BRINP1: variants seen among roughly 807,000 people sequenced by gnomAD.
BRINP1 encodes BMP/retinoic acid inducible neural specific 1.
BRINP1 carries 17 observed loss-of-function variants against 72.9 expected under a neutral mutation model. The observed-to-expected ratio is 0.23, with a 90% CI of 0.16 to 0.35. BRINP1 has a LOEUF of 0.35. Among genes scored for constraint, BRINP1 ranks in the 10% least tolerant of loss-of-function variants. The probability of loss-of-function intolerance (pLI) is 1.00; values close to 1 mark genes in which losing one functional copy is unlikely to be tolerated. For synonymous variants in BRINP1, 418 were observed against 378.5 expected, an observed-to-expected ratio of 1.10 and a Z score of -1.21; for missense variants, 850 against 1,001.6, an observed-to-expected ratio of 0.85 and a Z score of 2.04.
chr9:119,258,386 T>C (rs1830465640), intron 2 of BRINP1, among the ~76,000 whole-genome samples: 1 of 152,196 alleles, frequency 6.6e-6, no homozygotes, highest in Non-Finnish European at 1.5e-5. Flanking sequence ...CCTGAAGCAC[T>C]GTTATCGAGG....
At chr9:119,242,468 G>T (rs117069488) in intron 3 of BRINP1, among the ~76,000 whole-genome samples, 1 of 152,268 alleles carries the variant, frequency 6.6e-6, no homozygotes, top group Non-Finnish European at 1.5e-5. Context: ...TTGACTTCAT[G>T]CTTCTCACCA....
intron 1 of BRINP1, among the ~76,000 whole-genome samples, chr9:119,335,360 A>G (rs1457880534): frequency 6.6e-6 from 1 of 152,162 alleles, no homozygotes; most frequent in Non-Finnish European, 1.5e-5. Flanking sequence ...TAGTCTGTGC[A>G]GAAAGTTGGA....
intron 1 of BRINP1, among the ~76,000 whole-genome samples, chr9:119,362,434 C>G (rs780367033): frequency 6.6e-6 from 1 of 152,128 alleles, no homozygotes; most frequent in Non-Finnish European, 1.5e-5. Context: ...CCAAAATTCT[C>G]ACAGAACTTC....
chr9:119,360,380 C>T (rs949190725), intron 1 of BRINP1, among the ~76,000 whole-genome samples: 10 of 152,294 alleles, frequency 6.6e-5, no homozygotes, highest in East Asian at 1.9e-4. Context: ...CTTTATCATG[C>T]GCCTGTAAAC....
chr9:119,325,666 T>C (rs895239992), intron 1 of BRINP1, among the ~76,000 whole-genome samples: 1 of 152,238 alleles, frequency 6.6e-6, no homozygotes, highest in Admixed American at 6.5e-5. Flanking sequence ...TCTTGCTTCA[T>C]GTCTGTCTAC....
At chr9:119,184,903 CTG>C (rs1403373852) in intron 7 of BRINP1, among the ~76,000 whole-genome samples, 1 of 152,172 alleles carries the variant, frequency 6.6e-6, no homozygotes, top group Non-Finnish European at 1.5e-5. Context: ...ACCTGGGTGA[CTG>C]TATACTGAGT....
At chr9:119,215,938 C>T (rs1829972004) in intron 5 of BRINP1, among the ~76,000 whole-genome samples, 1 of 152,312 alleles carries the variant, frequency 6.6e-6, no homozygotes, top group South Asian at 2.1e-4. Context: ...GCAAAATATT[C>T]AGCCTGCCTG....
At chr9:119,334,537 G>A (rs574990373) in intron 1 of BRINP1, among the ~76,000 whole-genome samples, 1 of 152,238 alleles carries the variant, frequency 6.6e-6, no homozygotes, top group Non-Finnish European at 1.5e-5. Context: ...CATGCCATCA[G>A]GTTTAGCTGA....
At chr9:119,198,955 G>A (rs1355242060) in intron 7 of BRINP1, among the ~76,000 whole-genome samples, 1 of 152,160 alleles carries the variant, frequency 6.6e-6, no homozygotes, top group Non-Finnish European at 1.5e-5. Context: ...TTACAGGCAT[G>A]AGCCACCGTG....
chr9:119,281,564 G>C (rs1319154116), intron 2 of BRINP1, among the ~76,000 whole-genome samples: 1 of 152,164 alleles, frequency 6.6e-6, no homozygotes, highest in South Asian at 2.1e-4. Context: ...GGGCGAGTGA[G>C]AACAAGTCAG....
At chr9:119,287,505 A>C (rs1830774736) in intron 2 of BRINP1, among the ~76,000 whole-genome samples, 1 of 152,206 alleles carries the variant, frequency 6.6e-6, no homozygotes, top group Non-Finnish European at 1.5e-5. Flanking sequence ...AATTGGTGAG[A>C]TACATCAGAA....
chr9:119,348,723 G>T (rs544072484), intron 1 of BRINP1, among the ~76,000 whole-genome samples: 1 of 152,270 alleles, frequency 6.6e-6, no homozygotes, highest in African/African-American at 2.4e-5. Flanking sequence ...TATGACCCTA[G>T]GTCAACACTT....
Position 119,166,876 on chromosome 9 carries a change from G to GAGTGAGTATAGAAATAACAA in BRINP1, c.*188_*207dup. 2 of 559,342 alleles carry GAGTGAGTATAGAAATAACAA rather than the reference G, an allele frequency of 3.6e-6. No homozygotes were observed. Among genetic ancestry groups the GAGTGAGTATAGAAATAACAA allele is most frequent in the Non-Finnish European group, 6.2e-6 (2 of 324,440 alleles). The allele number at this position is 559,342 out of a possible 1,614,324, so 34.6% of individuals were successfully genotyped here. On this transcript the variant is annotated 3_prime_UTR_variant, in exon 8 of 8. Transcript: ENST00000265922. ...AAGGCTGAGACCCTTCTTCATGACA[G>GAGTGAGTATAGAAATAACAA]AGTGAGTATAGAAATAACAAACATG...
chr9:119,320,764 G>C (rs529342014), intron 1 of BRINP1, among the ~76,000 whole-genome samples: 3 of 152,270 alleles, frequency 2.0e-5, no homozygotes, highest in East Asian at 1.9e-4. Flanking sequence ...CAGAAGTCAG[G>C]TTGCATTTCC....
chr9:119,171,582 A>G (rs2118822150), intron 7 of BRINP1, among the ~76,000 whole-genome samples: 1 of 142,238 alleles, frequency 7.0e-6, no homozygotes, highest in East Asian at 2.1e-4. Context: ...ACGAGACAGA[A>G]AGTCAACAAG....
intron 1 of BRINP1, among the ~76,000 whole-genome samples, chr9:119,346,931 T>C (rs1425742405): frequency 6.6e-6 from 1 of 152,186 alleles, no homozygotes; most frequent in Non-Finnish European, 1.5e-5. Context: ...TAGGTGTCTC[T>C]ACAGAGTTCA....
At chr9:119,198,247 C>T (rs992951187) in intron 7 of BRINP1, among the ~76,000 whole-genome samples, 1 of 152,190 alleles carries the variant, frequency 6.6e-6, no homozygotes, top group Non-Finnish European at 1.5e-5. Flanking sequence ...TTTAACTTCA[C>T]GTTTTCAATT....
intron 1 of BRINP1, among the ~76,000 whole-genome samples, chr9:119,354,746 G>A (rs909192214): frequency 6.6e-6 from 1 of 152,064 alleles, no homozygotes; most frequent in Non-Finnish European, 1.5e-5. Context: ...GCATGTGCCT[G>A]TAGTCACAGC....
intron 5 of BRINP1, among the ~76,000 whole-genome samples, chr9:119,230,190 G>A (rs985537965): frequency 6.6e-6 from 1 of 152,082 alleles, no homozygotes; most frequent in South Asian, 2.1e-4. Flanking sequence ...AATGGCATGG[G>A]TCTGGAGCAT....
Sources: gnomAD v4.1 joint callset for allele counts (sites outside exome capture counted in the v4.1 genomes callset) on GRCh38, gnomAD v4.1.1 for gene constraint, MANE v1.5 for transcripts, NCBI Gene and HGNC (gene_info 2026-07-23, HGNC 2026-07-21) for gene names.